ITGA8: variants seen among roughly 807,000 people sequenced by gnomAD.
The protein encoded by ITGA8 is integrin subunit alpha 8.
Under a neutral mutation model 142.3 loss-of-function variants are expected in ITGA8, and 91 were observed. The observed-to-expected ratio is 0.64, with a 90% confidence interval of 0.54 to 0.76. ITGA8 has a LOEUF of 0.76. Ranked by LOEUF, ITGA8 falls within the 30% of genes least tolerant of loss-of-function variation. The pLI is 0.00. For synonymous variants in ITGA8, 505 were observed against 485.2 expected (o/e 1.04, Z -0.54); for missense variants, 1,406 against 1,327.7 (o/e 1.06, Z -0.92).
In ITGA8 at chr10:15,518,323, C is replaced by T. The variant is rs149790499; in HGVS notation, c.3105+967G>A. The stretch of plus-strand genomic sequence containing the variant: ...TACTGGAATATCCTGTCAATTGGCA[C>T]ACATGGTTGTATCTTATACTCATTG... On this transcript the variant is annotated intron_variant, in intron 29 of 29. Transcript: ENST00000378076. Among the ~76,000 whole-genome samples the T allele has an allele frequency of 3.2e-3, 481 of 152,284 alleles. 11 individuals carry two copies. Among genetic ancestry groups the T allele is most frequent in the Non-Finnish European group, 1.3e-3 (87 of 68,018 alleles).
At chr10:15,519,211 T>G in intron 29 of ITGA8, 79 bp downstream of exon 29, 2 of 1,538,584 alleles carry the variant, frequency 1.3e-6, no homozygotes, top group Non-Finnish European at 1.8e-6. Flanking sequence ...AATTGTCTTT[T>G]AAAATCCCTA....
intron 11 of ITGA8, among the ~76,000 whole-genome samples, chr10:15,650,295 A>G (rs1483878524): frequency 6.6e-6 from 1 of 152,252 alleles, no homozygotes; most frequent in Non-Finnish European, 1.5e-5. Flanking sequence ...AACAGTGTGC[A>G]TAAGTTACTA....
At position 15,606,332 on chromosome 10, in the gene ITGA8, C is replaced by A; in HGVS notation, c.1855G>T (p.Val619Leu). 1 of 1,612,314 alleles carries A rather than the reference C, an allele frequency of 6.2e-7. No homozygotes were observed. Among genetic ancestry groups the A allele is most frequent in the East Asian group, 2.2e-5 (1 of 44,822 alleles). Reference protein sequence around the residue: ...DESTFKEGLEVKPILNYYREN... With the variant: ...DESTFKEGLELKPILNYYREN... Reference sequence around the variant, plus strand: ...CTGTAGTAGTTCAATATTGGTTTCACTTCCAGGCCTTCTTTAAAGGTGGAT... The same window carrying A: ...CTGTAGTAGTTCAATATTGGTTTCAATTCCAGGCCTTCTTTAAAGGTGGAT... Residue 619 changes from valine (V) to leucine (L), a missense_variant, in exon 18 of 30, where the codon GTG (valine) becomes TTG (leucine). Coordinates refer to ENST00000378076, the MANE Select transcript of ITGA8 (RefSeq NM_003638.3).
At chr10:15,556,731 T>C (rs1833895472) in intron 26 of ITGA8, among the ~76,000 whole-genome samples, 1 of 152,226 alleles carries the variant, frequency 6.6e-6, no homozygotes, top group South Asian at 2.1e-4. Flanking sequence ...CTCTTTTAGT[T>C]ATTTTTAAAT....
rs144936170 is a variant in ITGA8 at position 15,638,729 on chromosome 10, G to A, written c.1399+5301C>T. On this transcript the variant is annotated intron_variant, in intron 13 of 29. Transcript: ENST00000378076. ...TTGCATTTGTTTTCTCATAAATTCT[G>A]CAGGTAACCAGGTAAAGTGACAAAT... is the stretch of plus-strand genomic sequence containing the variant. Among the ~76,000 whole-genome samples, 9 of 152,236 alleles carry A rather than the reference G, an allele frequency of 5.9e-5. No homozygotes were observed. In the East Asian group the frequency reaches 1.7e-3, roughly 29 times the overall value.
intron 20 of ITGA8, among the ~76,000 whole-genome samples, chr10:15,599,155 A>C (rs922561144): frequency 6.6e-6 from 1 of 152,036 alleles, no homozygotes; most frequent in African/African-American, 2.4e-5. Context: ...TTCTGGAAAT[A>C]GTTCTTTGAC....
At chr10:15,641,502 G>A (rs1309114106) in intron 13 of ITGA8, among the ~76,000 whole-genome samples, 1 of 152,088 alleles carries the variant, frequency 6.6e-6, no homozygotes, top group African/African-American at 2.4e-5. Flanking sequence ...TCTTTGAATG[G>A]CATTCTTTTT....
rs138990229 is a variant in ITGA8, at chr10:15,691,068, G to T, written c.344-3030C>A. 5.0e-3 allele frequency among the ~76,000 whole-genome samples: 758 copies of T among 152,242 alleles called. 11 individuals are homozygous for T. The highest frequency in any genetic ancestry group is 0.018 in the African/African-American group (731 of 41,542). On this transcript the variant is annotated intron_variant, in intron 2 of 29. Transcript: ENST00000378076. ...ATTTTATGAAAGAAGGCATACAAAC[G>T]GCCAACAGGTATATGTGAAAAAATG...
At chr10:15,718,634 A>G in intron 2 of ITGA8, 132 bp downstream of exon 2, 1 of 1,142,798 alleles carries the variant, frequency 8.8e-7, no homozygotes. Context: ...CTAGAGACCC[A>G]CATAGCCCAC....
Position 15,678,142 on chromosome 10 carries a change from G to A in ITGA8, c.631-505C>T, listed in dbSNP as rs537242181. Reference sequence around the variant, plus strand: ...TCATGAATTGACATCCTCACCTTTCGTGCCTCATATCTTTAACTCTCAGTG... The same window carrying A: ...TCATGAATTGACATCCTCACCTTTCATGCCTCATATCTTTAACTCTCAGTG... On this transcript the variant is annotated intron_variant, in intron 5 of 29. Coordinates refer to ENST00000378076, the MANE Select transcript of ITGA8 (RefSeq NM_003638.3). Among the ~76,000 whole-genome samples the A allele has an allele frequency of 5.3e-5, 8 of 151,910 alleles. No homozygotes were observed. The East Asian group carries it at 7.7e-4, about 15-fold the overall frequency.
intron 21 of ITGA8, chr10:15,596,872 C>G: frequency 4.5e-6 from 1 of 221,192 alleles, no homozygotes; most frequent in South Asian, 1.1e-4. Flanking sequence ...CTTTAACTTA[C>G]ATTGCATTTC....
At chr10:15,717,470 G>C (rs1383151270) in intron 2 of ITGA8, among the ~76,000 whole-genome samples, 1 of 152,054 alleles carries the variant, frequency 6.6e-6, no homozygotes, top group East Asian at 1.9e-4. Flanking sequence ...CTCAAGTCTT[G>C]ATAAAATAAC....
At chr10:15,539,153 C>T (rs60153418) in intron 27 of ITGA8, among the ~76,000 whole-genome samples, 8,348 of 152,070 alleles carry the variant, frequency 0.055, 744 homozygotes, top group African/African-American at 0.19. Flanking sequence ...GGGAAGCTTG[C>T]CTCTCACTTC....
chr10:15,619,681 A>C (rs1015106916), intron 13 of ITGA8, among the ~76,000 whole-genome samples: 1 of 151,902 alleles, frequency 6.6e-6, no homozygotes, highest in Admixed American at 6.6e-5. Context: ...TTTCTGTTAC[A>C]TTGTCTCTTC....
In ITGA8 at chr10:15,605,768, T is replaced by C; in HGVS notation, c.1926A>G (p.Gly642=). The change falls in exon 19 of 30, where the codon GGA becomes GGG. Residue 642 remains glycine, a synonymous_variant. Coordinates refer to ENST00000378076, the MANE Select transcript of ITGA8 (RefSeq NM_003638.3). ...AGTCAGGAACACACAGATTGTCTTC[T>C]CCACAGTCCACCAGAATGTGAGCCT... ...SEQAHILVDC[G]EDNLCVPDLK... is the part of the protein sequence containing the mutation. 6.2e-7 allele frequency: 1 copy of C among 1,613,522 alleles called. No homozygotes were observed. The highest frequency in any genetic ancestry group is 8.5e-7 in the Non-Finnish European group (1 of 1,179,488).
intron 25 of ITGA8, among the ~76,000 whole-genome samples, chr10:15,563,408 A>G (rs1351543984): frequency 6.6e-6 from 1 of 152,084 alleles, no homozygotes; most frequent in South Asian, 2.1e-4. Context: ...ATCATATACT[A>G]TGTGGGTGTA....
At chr10:15,604,816 A>G (rs1189867363) in intron 19 of ITGA8, among the ~76,000 whole-genome samples, 1 of 152,162 alleles carries the variant, frequency 6.6e-6, no homozygotes, top group Admixed American at 6.6e-5. Context: ...TGGTTTAGAA[A>G]GTAAGAGGGA....
intron 8 of ITGA8, 59 bp downstream of exon 8, chr10:15,671,544 T>C (rs972229520): frequency 7.1e-7 from 1 of 1,413,610 alleles, no homozygotes; most frequent in African/African-American, 1.4e-5. Context: ...AAACTTTATA[T>C]GCCATTTTAC....
At chr10:15,550,109 G>A (rs999565133) in intron 26 of ITGA8, among the ~76,000 whole-genome samples, 2 of 152,194 alleles carry the variant, frequency 1.3e-5, no homozygotes, top group Non-Finnish European at 2.9e-5. Context: ...CAGTGAATAA[G>A]TCTCACGAGA....
Sources: allele counts gnomAD v4.1 joint callset (sites outside exome capture counted in the v4.1 genomes callset), GRCh38; gene constraint gnomAD v4.1.1; transcripts MANE v1.5; gene names NCBI Gene and HGNC (gene_info 2026-07-23, HGNC 2026-07-21).